Variants in ADGRG6 observed in about 807,000 individuals in gnomAD.
The protein encoded by ADGRG6 is G-protein coupled receptor 126.
ADGRG6 carries 84 observed loss-of-function variants against 142.4 expected under a neutral mutation model. That is an observed-to-expected ratio of 0.59 (90% CI 0.49 to 0.71). The LOEUF (loss-of-function observed/expected upper bound fraction) is 0.71. Ranked by LOEUF, ADGRG6 falls within the 30% of genes least tolerant of loss-of-function variation. The pLI is 0.00. For synonymous variants in ADGRG6, 521 were observed against 520.5 expected (o/e 1.00, Z -0.01); for missense variants, 1,367 against 1,466.6 (o/e 0.93, Z 1.11).
At chr6:142,356,707 G>A (rs537207705) in intron 2 of ADGRG6, among the ~76,000 whole-genome samples, 1 of 151,840 alleles carries the variant, frequency 6.6e-6, no homozygotes, top group East Asian at 1.9e-4. Context: ...TTTTTCTTCA[G>A]ATGTGGAAAT....
intron 2 of ADGRG6, among the ~76,000 whole-genome samples, chr6:142,357,486 A>G (rs904265582): frequency 1.3e-5 from 2 of 152,244 alleles, no homozygotes; most frequent in African/African-American, 4.8e-5. Context: ...AGATGTTTAC[A>G]TAAAAAGTGT....
intron 6 of ADGRG6, among the ~76,000 whole-genome samples, chr6:142,385,068 T>G (rs1242438955): frequency 1.3e-5 from 2 of 152,058 alleles, no homozygotes; most frequent in Non-Finnish European, 2.9e-5. Flanking sequence ...ACTCTTTGTA[T>G]GAACATACAA....
chr6:142,327,732 C>T (rs1242951071), intron 2 of ADGRG6, among the ~76,000 whole-genome samples: 3 of 152,172 alleles, frequency 2.0e-5, no homozygotes, highest in Non-Finnish European at 4.4e-5. Flanking sequence ...CCATTTACTC[C>T]TCCACTTTTT....
Position 142,367,642 on chromosome 6 carries a change from C to T in ADGRG6, c.177C>T (p.Asn59=), listed in dbSNP as rs747867805. 7.7e-5 allele frequency: 124 copies of T among 1,613,724 alleles called. No individual in the cohort carries two copies. The highest frequency in any genetic ancestry group is 1.6e-4 in the Middle Eastern group (1 of 6,082). The change falls in exon 3 of 25, where the codon AAC becomes AAT. Residue 59 remains asparagine (N), a synonymous_variant. Transcript: ENST00000367609. ...CCTTTACTTCTCCATGCTACCCTAACGACTACCCAAACAGCCAGGCTTGCA... is the reference window on the plus strand; with the variant it reads ...CCTTTACTTCTCCATGCTACCCTAATGACTACCCAAACAGCCAGGCTTGCA... ...SGTFTSPCYP[N]DYPNSQACMW...
chr6:142,380,904 G>A (rs1781740267), intron 4 of ADGRG6, among the ~76,000 whole-genome samples: 1 of 152,162 alleles, frequency 6.6e-6, no homozygotes, highest in Non-Finnish European at 1.5e-5. Context: ...GTAAATGTTT[G>A]TTGAGTGAAT....
chr6:142,397,823 A>G (rs1775281678), intron 10 of ADGRG6, 68 bp downstream of exon 10: 9 of 1,030,734 alleles, frequency 8.7e-6, no homozygotes, highest in South Asian at 2.2e-5. Flanking sequence ...TTGAAACAAC[A>G]GCAGAAATTT....
At chr6:142,410,783 A>C (rs1776042973) in intron 17 of ADGRG6, among the ~76,000 whole-genome samples, 1 of 152,160 alleles carries the variant, frequency 6.6e-6, no homozygotes, top group African/African-American at 2.4e-5. Flanking sequence ...ATACATTGAC[A>C]ATATGCATTG....
intron 2 of ADGRG6, among the ~76,000 whole-genome samples, chr6:142,337,217 A>G (rs573647251): frequency 6.6e-6 from 1 of 152,292 alleles, no homozygotes; most frequent in Admixed American, 6.5e-5. Flanking sequence ...GTAATCTGGT[A>G]TTCTTTGTAA....
chr6:142,313,446 T>C (rs1457673684), intron 2 of ADGRG6, among the ~76,000 whole-genome samples: 1 of 152,126 alleles, frequency 6.6e-6, no homozygotes. Flanking sequence ...AGGAGCTTGT[T>C]TCCACACAGA....
intron 2 of ADGRG6, among the ~76,000 whole-genome samples, chr6:142,317,933 ATATATTATATATATT>A (rs1284533373): frequency 5.6e-5 from 4 of 71,444 alleles, no homozygotes; most frequent in Non-Finnish European, 9.6e-5. Context: ...TTATATATTT[ATATATTATATATATT>A]TATATTATAT....
At chr6:142,394,967 A>C (rs1412950045) in intron 9 of ADGRG6, among the ~76,000 whole-genome samples, 1 of 152,126 alleles carries the variant, frequency 6.6e-6, no homozygotes, top group Non-Finnish European at 1.5e-5. Flanking sequence ...AATAGACTGA[A>C]TTAAATCTTA....
At chr6:142,378,300 C>T (rs922919936) in intron 4 of ADGRG6, among the ~76,000 whole-genome samples, 4 of 152,172 alleles carry the variant, frequency 2.6e-5, no homozygotes, top group Admixed American at 2.0e-4. Flanking sequence ...GATATTGTAT[C>T]AGTGCCAGAA....
At chr6:142,405,246 AT>A in intron 14 of ADGRG6, 15 of 436,728 alleles carry the variant, frequency 3.4e-5, no homozygotes, top group South Asian at 2.5e-4. Context: ...GAAAAATGCT[AT>A]CTGAGAGTGT....
chr6:142,414,866 G>C (rs1389561217), intron 18 of ADGRG6, 103 bp from the exon 19 acceptor site: 1 of 810,928 alleles, frequency 1.2e-6, no homozygotes, highest in Non-Finnish European at 1.8e-6. Flanking sequence ...TTTAGCCCCT[G>C]AGAGTAAGCT....
chr6:142,412,725 T>C (rs1471179583), intron 18 of ADGRG6, among the ~76,000 whole-genome samples: 2 of 152,246 alleles, frequency 1.3e-5, no homozygotes, highest in Non-Finnish European at 2.9e-5. Flanking sequence ...TTCCATGTTC[T>C]CTTTTTTGCA....
chr6:142,329,571 G>A (rs1342541172), intron 2 of ADGRG6, among the ~76,000 whole-genome samples: 2 of 152,106 alleles, frequency 1.3e-5, no homozygotes, highest in African/African-American at 2.4e-5. Flanking sequence ...TTGTCACAAC[G>A]TGAGTGAATT....
chr6:142,317,991 T>TTATATATTATATATAATATTTATGTTA (rs1778225612), intron 2 of ADGRG6, among the ~76,000 whole-genome samples: 2 of 52,674 alleles, frequency 3.8e-5, no homozygotes, highest in South Asian at 5.0e-4. Flanking sequence ...TATTACATAT[T>TTATATATTATATATAATATTTATGTTA]TATATATTAT....
chr6:142,349,314 G>A (rs929449430), intron 2 of ADGRG6, among the ~76,000 whole-genome samples: 1 of 152,192 alleles, frequency 6.6e-6, no homozygotes. Flanking sequence ...GAAAGTGAAG[G>A]AAGAATGGGG....
In ADGRG6 at chr6:142,390,280, C is replaced by A; in HGVS notation, c.1245C>A (p.Ser415=). Residue 415 remains serine, a synonymous_variant, in exon 7 of 25, where the codon TCC becomes TCA. Coordinates refer to ENST00000367609, the MANE Select transcript of ADGRG6 (RefSeq NM_198569.3). ...CAGATGGAATTATCTATAGAATATCCGTAGTGATTCAGAACATCCTTCGTC... is the reference window on the plus strand; with the variant it reads ...CAGATGGAATTATCTATAGAATATCAGTAGTGATTCAGAACATCCTTCGTC... ...QRNDGIIYRI[S]VVIQNILRHP... The A allele has an allele frequency of 1.3e-6, 2 of 1,589,502 alleles. No homozygotes were observed. Among genetic ancestry groups the A allele is most frequent in the Non-Finnish European group, 1.7e-6 (2 of 1,161,068 alleles).
Sources: allele counts gnomAD v4.1 joint callset (sites outside exome capture counted in the v4.1 genomes callset), GRCh38; gene constraint gnomAD v4.1.1; transcripts MANE v1.5; gene names NCBI Gene and HGNC (gene_info 2026-07-23, HGNC 2026-07-21).